Variants in RNF135 observed in about 807,000 individuals in gnomAD.
The protein encoded by RNF135 is E3 ubiquitin-protein ligase RNF135.
Under a neutral mutation model 41.9 loss-of-function variants are expected in RNF135, and 46 were observed. That is an observed-to-expected ratio of 1.10 (90% confidence interval 0.87 to 1.40). The LOEUF (loss-of-function observed/expected upper bound fraction) is 1.40, where lower values mean the gene tolerates loss of function less well. Ranked by LOEUF, RNF135 falls within the 40% of genes most tolerant of loss-of-function variation. The probability of loss-of-function intolerance (pLI) is 0.00; values close to 1 mark genes in which losing one functional copy is unlikely to be tolerated. For synonymous variants in RNF135, 238 were observed against 223.8 expected, an observed-to-expected ratio of 1.06 and a Z score of -0.57; for missense variants, 539 against 549.8, an observed-to-expected ratio of 0.98 and a Z score of 0.20.
At chr17:30,964,994 A>T in the RNF135 span, 2 of 152,112 alleles carry the variant, frequency 1.3e-5, no homozygotes, top group Non-Finnish European at 2.9e-5. Flanking sequence ...CTGATTTTTT[A>T]AATCTAATTT....
At chr17:30,976,240 G>A (rs1157909115) in intron 1 of RNF135, among the ~76,000 whole-genome samples, 3 of 152,220 alleles carry the variant, frequency 2.0e-5, no homozygotes, top group East Asian at 1.9e-4. Context: ...TCCTGACCTC[G>A]TGATCCACCC....
upstream of RNF135, chr17:30,970,571 C>T (rs1905807390): frequency 6.3e-6 from 1 of 159,164 alleles, no homozygotes; most frequent in Non-Finnish European, 1.4e-5. Context: ...GAGGACGCTC[C>T]CTGTGGCTGT....
intron 2 of RNF135, among the ~76,000 whole-genome samples, chr17:30,986,073 A>G (rs1438815239): frequency 6.6e-6 from 1 of 152,194 alleles, no homozygotes; most frequent in Non-Finnish European, 1.5e-5. Context: ...AGAGGCTCTG[A>G]GGACTCCATG....
Position 30,999,628 on chromosome 17 carries a change from G to A in RNF135, c.*437G>A, listed in dbSNP as rs13373. 0.02 allele frequency: 3,774 copies of A among 189,070 alleles called. 161 individuals are homozygous for A. The highest frequency in any genetic ancestry group is 0.082 in the African/African-American group (3,519 of 42,892). 11.7% of individuals were successfully genotyped at this position (189,070 alleles called of 1,614,324 possible). ...GCTTGACCTTGCAAGGTCAAGCTGA[G>A]GAGACTAAGTTAGCCATGTGGGCAG... On this transcript the variant is annotated 3_prime_UTR_variant, in exon 5 of 5. Coordinates refer to ENST00000328381, the MANE Select transcript of RNF135 (RefSeq NM_032322.4).
rs914464333 is a variant in RNF135 at position 30,996,088 on chromosome 17, CTTTT to C, written c.680-1137_680-1134del. ...CACCACGCCCAGGCAGAATTCATTA[CTTTT>C]TTTTTTTTTTTTTTTTGAGATGGAG... On this transcript the variant is annotated intron_variant, in intron 3 of 4. Transcript: ENST00000328381. Among the ~76,000 whole-genome samples, 6 of 112,840 alleles carry C rather than the reference CTTTT, an allele frequency of 5.3e-5. No individual in the cohort carries two copies. The South Asian group carries it at 8.3e-4, about 16-fold the overall frequency. 74.0% of individuals were successfully genotyped at this position (112,840 alleles called of 152,430 possible). A position where few individuals can be genotyped will look rare whatever the true frequency, so the allele number is the denominator to read the frequency against.
At chr17:30,993,986 G>A (rs1908167492) in intron 3 of RNF135, 1 of 482,290 alleles carries the variant, frequency 2.1e-6, no homozygotes, top group Non-Finnish European at 3.6e-6. Context: ...TGTACTTTTT[G>A]TAGAGATGAG....
At chr17:30,981,229 G>T (rs1245836424) in intron 1 of RNF135, among the ~76,000 whole-genome samples, 1 of 148,876 alleles carries the variant, frequency 6.7e-6, no homozygotes, top group East Asian at 1.9e-4. Context: ...GCGTGGCGGC[G>T]CGCGCCTGCA....
chr17:30,983,353 A>ATATATATATATATATATTTTT (rs1420453160), intron 1 of RNF135, among the ~76,000 whole-genome samples: 10 of 35,726 alleles, frequency 2.8e-4, no homozygotes, highest in East Asian at 8.8e-4. Context: ...ATATATATAT[A>ATATATATATATATATATTTTT]TTTTTTTTTT....
rs1223403571 is a variant in RNF135 at position 30,980,579 on chromosome 17, G to C, written c.373-4038G>C. On this transcript the variant is annotated intron_variant, in intron 1 of 4. Coordinates refer to ENST00000328381, the MANE Select transcript of RNF135 (RefSeq NM_032322.4). ...TCACTTCCCAGACGGGGTGGTTGCC[G>C]GACGGAGGGGCTCCTCACTTCTCAG... 3.3e-5 allele frequency among the ~76,000 whole-genome samples: 4 copies of C among 121,594 alleles called. No individual in the cohort carries two copies. In the South Asian group the frequency reaches 8.6e-4, roughly 26 times the overall value. The allele number at this position is 121,594 out of a possible 152,430, so 79.8% of individuals were successfully genotyped here. A position where few individuals can be genotyped will look rare whatever the true frequency, so the allele number is the denominator to read the frequency against.
Position 30,999,117 on chromosome 17 carries a change from C to T in RNF135, c.1225C>T (p.Pro409Ser), listed in dbSNP as rs776050083. The T allele has an allele frequency of 6.2e-7, 1 of 1,614,158 alleles. No individual in the cohort carries two copies. Among genetic ancestry groups the T allele is most frequent in the South Asian group, 1.1e-5 (1 of 91,074 alleles). ...LYECTISASS[P>S]LYPAFWLYGL... ...TGAGTGTACCATCTCTGCCTCCTCT[C>T]CTTTGTACCCTGCCTTCTGGCTGTA... Residue 409 changes from proline (P) to serine (S), a missense_variant, in exon 5 of 5, where the codon CCT becomes TCT. This residue lies in a region of RNF135 where 262 missense variants were observed against 336.9 expected (regional missense o/e 0.78). Transcript: ENST00000328381.
chr17:30,989,765 C>T lies in RNF135; in HGVS notation c.679+1659C>T, dbSNP rs147876545. Among the ~76,000 whole-genome samples the T allele has an allele frequency of 5.7e-3, 862 of 152,054 alleles. 11 individuals are homozygous for T. Among genetic ancestry groups the T allele is most frequent in the African/African-American group, 0.02 (821 of 41,480 alleles). On this transcript the variant is annotated intron_variant, in intron 3 of 4. Transcript: ENST00000328381. ...CTGTAATCCCAGCACTTTGGGAGGC[C>T]GAGGCGTGTGGATCACCTGAGGTCA...
intron 3 of RNF135, among the ~76,000 whole-genome samples, chr17:30,995,016 C>T (rs1908244824): frequency 6.6e-6 from 1 of 152,054 alleles, no homozygotes; most frequent in African/African-American, 2.4e-5. Context: ...AACTATGGCT[C>T]ACTGTAACCT....
upstream of RNF135, among the ~76,000 whole-genome samples, chr17:30,967,892 C>T (rs2142639027): frequency 6.6e-6 from 1 of 151,820 alleles, no homozygotes; most frequent in Admixed American, 6.5e-5. Context: ...TTTTCGAACT[C>T]CTGACCTCAT....
At chr17:30,997,352 A>C in intron 4 of RNF135, 21 bp downstream of exon 4, 1 of 1,605,302 alleles carries the variant, frequency 6.2e-7, no homozygotes, top group Non-Finnish European at 8.5e-7. Context: ...GGTCCACTTT[A>C]AACATGGGTT....
At position 30,997,315 on chromosome 17, in the gene RNF135, T is replaced by C; in HGVS notation, c.753T>C (p.Ala251=). The change falls in exon 4 of 5, where the codon GCT becomes GCC. Residue 251 remains alanine (A), a synonymous_variant. Transcript: ENST00000328381. ...AGAGCCACCCTGCACTCAGGAGAGC[T>C]TCTCGGTTTGCTCAGTGTAAGTATG... ...PDQSHPALRR[A]SRFAQWAIHP... 1 of 1,614,114 alleles carries C rather than the reference T, an allele frequency of 6.2e-7. No individual in the cohort carries two copies. The highest frequency in any genetic ancestry group is 8.5e-7 in the Non-Finnish European group (1 of 1,179,950).
In RNF135 at chr17:30,985,159, C is replaced by T. The variant is rs532901235; in HGVS notation, c.516+399C>T. ...CCACCTCTCTCTGGCTGATCCTTCT[C>T]AGTCTGTTTACAGGCTCTCTCTCCT... On this transcript the variant is annotated intron_variant, in intron 2 of 4. Transcript: ENST00000328381. 2.0e-5 allele frequency among the ~76,000 whole-genome samples: 3 copies of T among 152,310 alleles called. No homozygotes were observed. The South Asian group carries it at 6.2e-4, about 32-fold the overall frequency.
At chr17:30,977,571 A>C (rs1906574947) in intron 1 of RNF135, among the ~76,000 whole-genome samples, 2 of 151,992 alleles carry the variant, frequency 1.3e-5, no homozygotes, top group Admixed American at 1.3e-4. Context: ...ACAGGGTTTC[A>C]TCATGTTGTC....
chr17:30,966,662 ATTTT>A (rs764054702), upstream of RNF135, among the ~76,000 whole-genome samples: 1 of 136,606 alleles, frequency 7.3e-6, no homozygotes, highest in Non-Finnish European at 1.6e-5. Context: ...TGCCTGGCTA[ATTTT>A]TTTTTTTTTT....
intron 3 of RNF135, among the ~76,000 whole-genome samples, chr17:30,989,984 CAAAAAAA>C (rs10627734): frequency 3.6e-5 from 2 of 55,308 alleles, no homozygotes; most frequent in Non-Finnish European, 8.7e-5. Context: ...AACTCTGTCT[CAAAAAAA>C]AAAAAAAAAA....
Sources: allele counts gnomAD v4.1 joint callset (sites outside exome capture counted in the v4.1 genomes callset), GRCh38; gene constraint gnomAD v4.1.1; regional missense constraint gnomAD v4.1.1; transcripts MANE v1.5; gene names NCBI Gene and HGNC (gene_info 2026-07-23, HGNC 2026-07-21).